The following WDPCP variants were observed in gnomAD, a reference collection of about 807,000 sequenced individuals.
WDPCP encodes WD repeat containing planar cell polarity effector, also known as WD repeat-containing and planar cell polarity effector protein fritz homolog.
In WDPCP, 71 loss-of-function variants were observed where a neutral mutation model predicts 93.1. The ratio of observed to expected loss-of-function variants is 0.76; its 90% CI spans 0.63 to 0.93. WDPCP has a LOEUF of 0.93. WDPCP is among the 40% of genes least tolerant of loss of function. WDPCP has a pLI of 0.00. For synonymous variants in WDPCP, 315 were observed against 315.0 expected, an observed-to-expected ratio of 1.00 and a Z score of 0.00; for missense variants, 844 against 887.4, an observed-to-expected ratio of 0.95 and a Z score of 0.62.
chr2:63,340,518 T>G (rs1175066959), intron 12 of WDPCP, among the ~76,000 whole-genome samples: 1 of 152,176 alleles, frequency 6.6e-6, no homozygotes, highest in African/African-American at 2.4e-5. Context: ...TCTTGTGGAT[T>G]AACACAAGGG....
chr2:63,128,042 G>A (rs537594078), intron 17 of WDPCP, among the ~76,000 whole-genome samples: 1 of 152,190 alleles, frequency 6.6e-6, no homozygotes, highest in South Asian at 2.1e-4. Context: ...TGGAGGCTGA[G>A]GCAGGAGAAT....
intron 13 of WDPCP, among the ~76,000 whole-genome samples, chr2:63,281,984 A>AT (rs1683591920): frequency 6.6e-6 from 1 of 152,162 alleles, no homozygotes; most frequent in African/African-American, 2.4e-5. Context: ...AATAAAAAAA[A>AT]AATAAAATGA....
intron 2 of WDPCP, among the ~76,000 whole-genome samples, chr2:63,488,716 C>T (rs573511325): frequency 6.6e-6 from 1 of 151,914 alleles, no homozygotes; most frequent in African/African-American, 2.4e-5. Context: ...GAACCACAGG[C>T]ACTACATATG....
At chr2:63,708,478 G>A (rs1669203386) in intron 2 of WDPCP, among the ~76,000 whole-genome samples, 1 of 152,230 alleles carries the variant, frequency 6.6e-6, no homozygotes, top group Non-Finnish European at 1.5e-5. Flanking sequence ...CGTTGGGAAA[G>A]CACAGTATTA....
At chr2:63,517,137 T>C (rs1355628316) in intron 1 of WDPCP, among the ~76,000 whole-genome samples, 1 of 152,190 alleles carries the variant, frequency 6.6e-6, no homozygotes, top group Non-Finnish European at 1.5e-5. Context: ...GCCCTCATCT[T>C]ATCTTGCCTA....
intron 2 of WDPCP, among the ~76,000 whole-genome samples, chr2:63,796,687 AG>A (rs1240746932): frequency 6.6e-6 from 1 of 152,238 alleles, no homozygotes; most frequent in Non-Finnish European, 1.5e-5. Flanking sequence ...GAGCAGCAGT[AG>A]CCAGAGGAGA....
At chr2:63,128,572 C>T (rs963088379) in intron 17 of WDPCP, among the ~76,000 whole-genome samples, 2 of 152,144 alleles carry the variant, frequency 1.3e-5, no homozygotes, top group African/African-American at 2.4e-5. Flanking sequence ...TAACCATCAC[C>T]GCTCTCCATC....
intron 6 of WDPCP, among the ~76,000 whole-genome samples, chr2:63,453,922 C>G (rs544173967): frequency 8.0e-6 from 1 of 124,332 alleles, no homozygotes; most frequent in Non-Finnish European, 1.6e-5. Context: ...GGGTAAGGAA[C>G]GGAACATCAC....
chr2:63,472,998 C>A (rs1017868308), intron 6 of WDPCP, among the ~76,000 whole-genome samples: 2 of 152,276 alleles, frequency 1.3e-5, no homozygotes, highest in East Asian at 1.9e-4. Flanking sequence ...TTTTCTGAAG[C>A]CTTAGACTTA....
chr2:63,310,431 G>T (rs966830817), intron 13 of WDPCP, among the ~76,000 whole-genome samples: 1 of 151,938 alleles, frequency 6.6e-6, no homozygotes, highest in Non-Finnish European at 1.5e-5. Flanking sequence ...TTTCTACAAT[G>T]CAGCCTTAAG....
chr2:63,252,640 A>G (rs1338614748), intron 14 of WDPCP, among the ~76,000 whole-genome samples: 1 of 152,222 alleles, frequency 6.6e-6, no homozygotes, highest in Non-Finnish European at 1.5e-5. Context: ...ATTCAAGCTG[A>G]GAGCCAAGTC....
At chr2:63,503,455 T>C (rs1350581449) in intron 1 of WDPCP, among the ~76,000 whole-genome samples, 1 of 152,128 alleles carries the variant, frequency 6.6e-6, no homozygotes, top group Non-Finnish European at 1.5e-5. Context: ...ATAATTGCAA[T>C]AGTTTATATC....
chr2:63,177,191 T>C (rs1210870023), intron 14 of WDPCP, among the ~76,000 whole-genome samples: 1 of 152,224 alleles, frequency 6.6e-6, no homozygotes, highest in Non-Finnish European at 1.5e-5. Context: ...CAGAAAGACC[T>C]CTTTTTCCCT....
At chr2:63,432,412 T>C (rs551754902) in intron 9 of WDPCP, among the ~76,000 whole-genome samples, 76 of 152,262 alleles carry the variant, frequency 5.0e-4, no homozygotes, top group African/African-American at 1.8e-3. Context: ...TTGTCTCTTA[T>C]TGGCAGACAC....
intron 2 of WDPCP, among the ~76,000 whole-genome samples, chr2:63,702,721 C>A (rs1167795669): frequency 3.6e-5 from 5 of 140,466 alleles, no homozygotes; most frequent in Non-Finnish European, 7.9e-5. Flanking sequence ...TTTTTTTTTA[C>A]TTTTTTTTTT....
At chr2:63,229,941 T>C (rs1190173979) in intron 14 of WDPCP, 1 of 154,370 alleles carries the variant, frequency 6.5e-6, no homozygotes, top group Non-Finnish European at 1.4e-5. Context: ...TTTTTATTTT[T>C]ATTTTTTATT....
At chr2:63,481,753 G>C (rs903741199) in intron 6 of WDPCP, among the ~76,000 whole-genome samples, 2 of 151,766 alleles carry the variant, frequency 1.3e-5, no homozygotes, top group South Asian at 2.1e-4. Context: ...AGGGTGGGAG[G>C]GGGGTGAGGG....
At chr2:63,726,546 A>T (rs1252277022) in intron 2 of WDPCP, among the ~76,000 whole-genome samples, 1 of 152,032 alleles carries the variant, frequency 6.6e-6, no homozygotes, top group Non-Finnish European at 1.5e-5. Context: ...ATTCCGTATG[A>T]TTTTAGAATA....
At chr2:63,735,359 A>G (rs1321351329) in intron 2 of WDPCP, among the ~76,000 whole-genome samples, 1 of 152,178 alleles carries the variant, frequency 6.6e-6, no homozygotes, top group Non-Finnish European at 1.5e-5. Context: ...AGAAAGAGGG[A>G]GCAAGAACCG....
Sources: allele counts gnomAD v4.1 joint callset (sites outside exome capture counted in the v4.1 genomes callset), GRCh38; gene constraint gnomAD v4.1.1; transcripts MANE v1.5; gene names NCBI Gene and HGNC (gene_info 2026-07-23, HGNC 2026-07-21).